Variants in PITPNM2 observed in about 807,000 individuals in gnomAD.
The protein encoded by PITPNM2 is membrane-associated phosphatidylinositol transfer protein 2.
A neutral mutation model predicts 132.2 loss-of-function variants in PITPNM2; 35 were observed. The observed-to-expected ratio is 0.26, with a 90% CI of 0.20 to 0.35. PITPNM2 has a LOEUF of 0.35. PITPNM2 is among the 10% of genes least tolerant of loss of function. The probability of loss-of-function intolerance (pLI) is 1.00; values close to 1 mark genes in which losing one functional copy is unlikely to be tolerated. For missense variants in PITPNM2, 1,332 were observed against 1,912.0 expected (o/e 0.70, Z 5.66); for synonymous variants, 738 against 799.2 (o/e 0.92, Z 1.29).
At chr12:123,107,598 G>A (rs765327560) in intron 2 of PITPNM2, among the ~76,000 whole-genome samples, 6 of 152,168 alleles carry the variant, frequency 3.9e-5, no homozygotes, top group Non-Finnish European at 4.4e-5. Flanking sequence ...GAAAGATCTC[G>A]TTCTTAGCGA....
At chr12:123,068,919 G>C (rs1340459252) in intron 2 of PITPNM2, among the ~76,000 whole-genome samples, 2 of 152,154 alleles carry the variant, frequency 1.3e-5, no homozygotes, top group African/African-American at 4.8e-5. Context: ...GAAGTACAGG[G>C]ATGAGCTGCT....
In PITPNM2 at chr12:123,099,853, C is replaced by T. The variant is rs2042513301; in HGVS notation, c.-96+10532G>A. Among the ~76,000 whole-genome samples the T allele has an allele frequency of 6.6e-6, 1 of 152,052 alleles. No homozygotes were observed. The highest frequency in any genetic ancestry group is 1.5e-5 in the Non-Finnish European group (1 of 68,006). ...GCACTGACAGCCTGGGAGGCCTATT[C>T]CCAGGGGCAATCAGAAGACTAGAAA... On this transcript the variant is annotated intron_variant, in intron 2 of 25. Transcript: ENST00000320201. The surrounding 1 kb of genome is among the most constrained non-coding windows in gnomAD (Gnocchi z 4.2).
In PITPNM2 at chr12:122,985,757, A is replaced by G. The variant is rs55951195; in HGVS notation, c.*270T>C. 7,994 of 369,170 alleles carry G rather than the reference A, an allele frequency of 0.022. 550 individuals carry two copies. Among genetic ancestry groups the G allele is most frequent in the African/African-American group, 0.15 (7,059 of 47,114 alleles). 22.9% of individuals were successfully genotyped at this position (369,170 alleles called of 1,614,324 possible). On this transcript the variant is annotated 3_prime_UTR_variant, in exon 26 of 26. Coordinates refer to ENST00000320201, the MANE Select transcript of PITPNM2 (RefSeq NM_020845.3). Reference sequence around the variant, plus strand: ...CACACAGGGCAAAATGTCTGGGAGAACCTCCCGGGCCAGTCTGAGTGGGAG... The same window carrying G: ...CACACAGGGCAAAATGTCTGGGAGAGCCTCCCGGGCCAGTCTGAGTGGGAG...
intron 2 of PITPNM2, among the ~76,000 whole-genome samples, chr12:123,068,546 C>A (rs555395002): frequency 1.3e-5 from 2 of 152,312 alleles, no homozygotes; most frequent in South Asian, 4.1e-4. Flanking sequence ...GCCTTAAGAA[C>A]TAACGCAGGG....
rs929963609 is a variant in PITPNM2, at chr12:123,077,836, T to G, written c.-96+32549A>C. Among the ~76,000 whole-genome samples the G allele has an allele frequency of 6.6e-6, 1 of 151,726 alleles. No homozygotes were observed. The stretch of plus-strand genomic sequence containing the variant: ...TGAGGGAAGGGGTGGGGGGACAAAG[T>G]ATCAGAGCCAGGAGGTGTGCACCAC... On this transcript the variant is annotated intron_variant, in intron 2 of 25. Coordinates refer to ENST00000320201, the MANE Select transcript of PITPNM2 (RefSeq NM_020845.3). The surrounding 1 kb of genome is among the most constrained non-coding windows in gnomAD (Gnocchi z 4.8).
chr12:123,007,323 A>G (rs2038979008), intron 6 of PITPNM2: 6 of 456,136 alleles, frequency 1.3e-5, no homozygotes, highest in South Asian at 4.6e-5. Flanking sequence ...TTTCCTGCCA[A>G]TGGGCCTTTG....
chr12:123,081,417 G>C (rs1471975112), intron 2 of PITPNM2: 3 of 152,320 alleles, frequency 2.0e-5, no homozygotes, highest in Non-Finnish European at 4.4e-5. Context: ...ATTGGAATAG[G>C]TCCCCCCCCA....
chr12:123,127,424 G>A (rs1377988306), intron 1 of PITPNM2, among the ~76,000 whole-genome samples: 3 of 152,148 alleles, frequency 2.0e-5, no homozygotes, highest in Non-Finnish European at 2.9e-5. Context: ...TTCAACAATG[G>A]TTTCCACTGA....
intron 6 of PITPNM2, among the ~76,000 whole-genome samples, chr12:123,007,104 C>G (rs946039708): frequency 6.6e-6 from 1 of 152,186 alleles, no homozygotes; most frequent in African/African-American, 2.4e-5. Flanking sequence ...GCCTTCTGGT[C>G]TCAGCACACA....
At chr12:123,027,189 T>G (rs2039894493) in intron 3 of PITPNM2, among the ~76,000 whole-genome samples, 1 of 152,032 alleles carries the variant, frequency 6.6e-6, no homozygotes, top group African/African-American at 2.4e-5. Context: ...CTTGGCCACA[T>G]ACATCTTCAG....
At chr12:123,030,420 G>A (rs1236659774) in intron 3 of PITPNM2, among the ~76,000 whole-genome samples, 3 of 152,194 alleles carry the variant, frequency 2.0e-5, no homozygotes, top group African/African-American at 4.8e-5. Flanking sequence ...TAGGCCGGGC[G>A]CGGTGGCTCA....
At chr12:123,018,877 A>G (rs1224799371) in intron 3 of PITPNM2, among the ~76,000 whole-genome samples, 1 of 136,092 alleles carries the variant, frequency 7.3e-6, no homozygotes, top group East Asian at 2.1e-4. Context: ...TCTGCCTCCC[A>G]GGCTCAAGTG....
At chr12:122,998,322 C>A (rs1477150415) in intron 10 of PITPNM2, among the ~76,000 whole-genome samples, 1 of 152,032 alleles carries the variant, frequency 6.6e-6, no homozygotes, top group East Asian at 1.9e-4. Flanking sequence ...GCCAGGCCTG[C>A]CTGTGAGGTC....
chr12:123,056,641 C>G (rs2041037906), intron 2 of PITPNM2, among the ~76,000 whole-genome samples: 1 of 151,982 alleles, frequency 6.6e-6, no homozygotes, highest in African/African-American at 2.4e-5. Context: ...TCTAACAAGC[C>G]CTCCTGGGTT....
At position 123,111,446 on chromosome 12, in the gene PITPNM2, T is replaced by G. The variant is rs1319047629; in HGVS notation, c.-199-958A>C. 1.3e-5 allele frequency among the ~76,000 whole-genome samples: 2 copies of G among 152,198 alleles called. No individual in the cohort carries two copies. The highest frequency in any genetic ancestry group is 2.9e-5 in the Non-Finnish European group (2 of 68,030). On this transcript the variant is annotated intron_variant, in intron 1 of 25. Transcript: ENST00000320201. This position sits in a 1 kb window ranked among gnomAD's most constrained non-coding sequence, Gnocchi z 4.1. ...TCCTCAGACACCAGTCCATGCCCGCTAGGGGCAAGCACAGCCCTAACAAAG... is the reference window on the plus strand; with the variant it reads ...TCCTCAGACACCAGTCCATGCCCGCGAGGGGCAAGCACAGCCCTAACAAAG...
At chr12:122,997,711 T>C in intron 10 of PITPNM2, 139 bp from the exon 11 acceptor site, 1 of 1,222,950 alleles carries the variant, frequency 8.2e-7, no homozygotes, top group Non-Finnish European at 1.1e-6. Flanking sequence ...TGGTTACTCA[T>C]GCCTGGAGCC....
intron 1 of PITPNM2, among the ~76,000 whole-genome samples, chr12:123,128,289 A>G: frequency 7.3e-6 from 1 of 137,364 alleles, no homozygotes; most frequent in Admixed American, 7.8e-5. Context: ...AAAAAAAAAA[A>G]AAAAAAAAAA....
intron 16 of PITPNM2, chr12:122,991,832 C>T: frequency 7.7e-7 from 1 of 1,304,314 alleles, no homozygotes; most frequent in Non-Finnish European, 9.8e-7. Flanking sequence ...GAAGCCGTCC[C>T]CGTGGGGGAG....
intron 8 of PITPNM2, among the ~76,000 whole-genome samples, chr12:123,001,404 T>C (rs967999371): frequency 2.6e-5 from 4 of 152,230 alleles, no homozygotes; most frequent in African/African-American, 9.6e-5. Flanking sequence ...ATCACCACTA[T>C]CTAATTCCAG....
Sources: gnomAD v4.1 joint callset for allele counts (sites outside exome capture counted in the v4.1 genomes callset) on GRCh38, gnomAD v4.1.1 for gene constraint, Gnocchi (gnomAD v3.1) non-coding constraint, MANE v1.5 for transcripts, NCBI Gene and HGNC (gene_info 2026-07-23, HGNC 2026-07-21) for gene names.